CSNK1G1: variants seen among roughly 807,000 people sequenced by gnomAD.
The protein encoded by CSNK1G1 is casein kinase I isoform gamma-1.
Under a neutral mutation model 59.6 loss-of-function variants are expected in CSNK1G1, and 22 were observed. The ratio of observed to expected loss-of-function variants is 0.37; its 90% CI spans 0.26 to 0.53. The LOEUF (loss-of-function observed/expected upper bound fraction) is 0.53. Ranked by LOEUF, CSNK1G1 falls within the 20% of genes least tolerant of loss-of-function variation. The pLI is 0.89. For missense variants in CSNK1G1, 384 were observed against 519.5 expected (o/e 0.74, Z 2.54); for synonymous variants, 179 against 177.1 (o/e 1.01, Z -0.08).
At chr15:64,351,653 C>T (rs751436038) in intron 1 of CSNK1G1, among the ~76,000 whole-genome samples, 1 of 152,126 alleles carries the variant, frequency 6.6e-6, no homozygotes, top group Non-Finnish European at 1.5e-5. Context: ...CTGAGGCGGG[C>T]CAATCACTTG....
intron 1 of CSNK1G1, among the ~76,000 whole-genome samples, chr15:64,301,067 C>A (rs1240944031): frequency 1.3e-5 from 2 of 152,254 alleles, no homozygotes; most frequent in Non-Finnish European, 2.9e-5. Flanking sequence ...GTTAAAGAAA[C>A]TGAGGATGAT....
At chr15:64,302,874 T>A (rs1475039354) in intron 1 of CSNK1G1, among the ~76,000 whole-genome samples, 1 of 152,200 alleles carries the variant, frequency 6.6e-6, no homozygotes, top group Non-Finnish European at 1.5e-5. Context: ...TTACATTGCC[T>A]ATTTCTCTTC....
At chr15:64,175,384 G>A (rs969491975) in intron 11 of CSNK1G1, among the ~76,000 whole-genome samples, 2 of 152,072 alleles carry the variant, frequency 1.3e-5, no homozygotes, top group African/African-American at 2.4e-5. Flanking sequence ...GACTTTATGC[G>A]TGCGGACAAT....
At chr15:64,339,703 A>C (rs1897589598) in intron 1 of CSNK1G1, among the ~76,000 whole-genome samples, 1 of 152,256 alleles carries the variant, frequency 6.6e-6, no homozygotes, top group African/African-American at 2.4e-5. Flanking sequence ...TATGTAATTA[A>C]GATTAAAGCA....
At chr15:64,280,834 T>C (rs1364268892) in intron 2 of CSNK1G1, among the ~76,000 whole-genome samples, 2 of 152,178 alleles carry the variant, frequency 1.3e-5, no homozygotes, top group African/African-American at 4.8e-5. Context: ...AAACAAAATA[T>C]GATATATACA....
chr15:64,198,742 A>G (rs1411581636), intron 10 of CSNK1G1, among the ~76,000 whole-genome samples: 4 of 149,140 alleles, frequency 2.7e-5, no homozygotes, highest in African/African-American at 2.5e-5. Flanking sequence ...AAAAAAAAAA[A>G]GGGCATAAGA....
chr15:64,166,346 TTATC>T lies in CSNK1G1; in HGVS notation c.*5581_*5584del, dbSNP rs754169012. 54 of 226,838 alleles carry T rather than the reference TTATC, an allele frequency of 2.4e-4. No individual in the cohort carries two copies. The highest frequency in any genetic ancestry group is 6.9e-4 in the South Asian group (4 of 5,784). The allele number at this position is 226,838 out of a possible 1,614,324, so 14.1% of individuals were successfully genotyped here. A position where few individuals can be genotyped will look rare whatever the true frequency, so the allele number is the denominator to read the frequency against. ...GGGGGTATATATTTTTGGTTTATCT[TTATC>T]TTTTCTGCTGTTATTTTTTTTCTCT... On this transcript the variant is annotated 3_prime_UTR_variant, in exon 12 of 12. Coordinates refer to ENST00000303052, the MANE Select transcript of CSNK1G1 (RefSeq NM_022048.5). The surrounding 1 kb of genome is among the most constrained non-coding windows in gnomAD (Gnocchi z 4.5).
chr15:64,182,159 G>A (rs578219372), intron 10 of CSNK1G1, among the ~76,000 whole-genome samples: 1 of 146,718 alleles, frequency 6.8e-6, no homozygotes, highest in Admixed American at 6.9e-5. Flanking sequence ...TACCTCCCAG[G>A]TTCAAGCGGT....
Position 64,329,437 on chromosome 15 carries a change from C to T in CSNK1G1, c.-225+26551G>A, listed in dbSNP as rs1207380191. Among the ~76,000 whole-genome samples, 29 of 139,362 alleles carry T rather than the reference C, an allele frequency of 2.1e-4. 1 individual carries two copies. In the East Asian group the frequency reaches 4.5e-3, roughly 22 times the overall value. 91.4% of individuals were successfully genotyped at this position (139,362 alleles called of 152,430 possible). A position where few individuals can be genotyped will look rare whatever the true frequency, so the allele number is the denominator to read the frequency against. On this transcript the variant is annotated intron_variant, in intron 1 of 11. Coordinates refer to ENST00000303052, the MANE Select transcript of CSNK1G1 (RefSeq NM_022048.5). ...TCCTGAATGACTACTGGGTACATAACGAAATGAAGGCAGAAATAAAGATGT... is the reference window on the plus strand; with the variant it reads ...TCCTGAATGACTACTGGGTACATAATGAAATGAAGGCAGAAATAAAGATGT...
chr15:64,192,834 T>G (rs1480749860), intron 10 of CSNK1G1, among the ~76,000 whole-genome samples: 4 of 89,986 alleles, frequency 4.4e-5, no homozygotes, highest in East Asian at 7.1e-4. Flanking sequence ...CAGAGTGAGA[T>G]CTGCCTAAAA....
intron 2 of CSNK1G1, among the ~76,000 whole-genome samples, chr15:64,294,134 G>A (rs1432795719): frequency 6.6e-6 from 1 of 152,130 alleles, no homozygotes; most frequent in African/African-American, 2.4e-5. Flanking sequence ...GTGCAGTGGT[G>A]CAGTCTCAGC....
intron 10 of CSNK1G1, among the ~76,000 whole-genome samples, chr15:64,185,074 A>G (rs1489270717): frequency 6.6e-6 from 1 of 152,234 alleles, no homozygotes; most frequent in East Asian, 1.9e-4. Context: ...AAAATATATT[A>G]TCTTCTTGCA....
In CSNK1G1 at chr15:64,278,851, C is replaced by T. The variant is rs146536674; in HGVS notation, c.182-19610G>A. ...CACCCCACATCTAAAAATTTTTAATCTTTATGAAAGCATTTATGTAAAAAG... is the reference window on the plus strand; with the variant it reads ...CACCCCACATCTAAAAATTTTTAATTTTTATGAAAGCATTTATGTAAAAAG... On this transcript the variant is annotated intron_variant, in intron 2 of 11. Transcript: ENST00000303052. 4.9e-3 allele frequency among the ~76,000 whole-genome samples: 742 copies of T among 152,278 alleles called. 1 individual carries two copies. Among genetic ancestry groups the T allele is most frequent in the Middle Eastern group, 0.027 (8 of 294 alleles).
chr15:64,272,382 A>AT lies in CSNK1G1; in HGVS notation c.182-13142dup, dbSNP rs1223301898. Among the ~76,000 whole-genome samples, 34 of 151,838 alleles carry AT rather than the reference A, an allele frequency of 2.2e-4. 1 individual carries two copies. Among genetic ancestry groups the AT allele is most frequent in the Admixed American group, 2.2e-3 (34 of 15,230 alleles). ...AGGCGTCTGCCACTATGCCTGGCTA[A>AT]TTTTTTTGTATTTTTTAGTAGAGAC... On this transcript the variant is annotated intron_variant, in intron 2 of 11. Coordinates refer to ENST00000303052, the MANE Select transcript of CSNK1G1 (RefSeq NM_022048.5).
At chr15:64,248,351 C>A (rs1453572160) in intron 4 of CSNK1G1, among the ~76,000 whole-genome samples, 2 of 151,994 alleles carry the variant, frequency 1.3e-5, no homozygotes, top group Admixed American at 6.6e-5. Context: ...TTTTTTTAAC[C>A]ATCACAAGGA....
rs71447372 is a variant in CSNK1G1 at position 64,182,053 on chromosome 15, G to GTTTTTTTTT, written c.1108-1608_1108-1600dup. On this transcript the variant is annotated intron_variant, in intron 10 of 11. Transcript: ENST00000303052. ...TAATTATTGTTCTCATTAGTAACCC[G>GTTTTTTTTT]TTTTTTTTTTTTTTTTTTTTTTTTT... The GTTTTTTTTT allele has an allele frequency of 2.4e-3, 200 of 83,224 alleles. 33 individuals are homozygous for GTTTTTTTTT. The highest frequency in any genetic ancestry group is 0.011 in the African/African-American group (194 of 18,358). 5.2% of individuals were successfully genotyped at this position (83,224 alleles called of 1,614,324 possible).
At chr15:64,242,314 T>G (rs1451449097) in intron 4 of CSNK1G1, among the ~76,000 whole-genome samples, 1 of 152,210 alleles carries the variant, frequency 6.6e-6, no homozygotes, top group African/African-American at 2.4e-5. Flanking sequence ...GAGGTGGGGC[T>G]TGGTGGGAGG....
chr15:64,218,926 C>A (rs2082348763), intron 4 of CSNK1G1, among the ~76,000 whole-genome samples: 1 of 147,576 alleles, frequency 6.8e-6, no homozygotes, highest in Admixed American at 6.8e-5. Context: ...GCCATCTCGA[C>A]TCACTGCAAC....
In CSNK1G1 at chr15:64,171,957, T is replaced by G; in HGVS notation, c.1243A>C (p.Lys415Gln). Residue 415 changes from lysine to glutamine, a missense_variant, in exon 12 of 12, where the codon AAG (lysine) becomes CAG (glutamine). Lys to Gln is a moderately conservative substitution (Grantham distance 53). Coordinates refer to ENST00000303052, the MANE Select transcript of CSNK1G1 (RefSeq NM_022048.5). This position sits in a 1 kb window ranked among gnomAD's most constrained non-coding sequence, Gnocchi z 4.8. Reference sequence around the variant, plus strand: ...CACTTGTGGCGCTGAGCAGTCTTCTTCCTTTTCCTCTTAAAGAAACAGCAG... The same window carrying G: ...CACTTGTGGCGCTGAGCAGTCTTCTGCCTTTTCCTCTTAAAGAAACAGCAG... ...KCCCFFKRKR[K>Q]KTAQRHK The G allele has an allele frequency of 6.2e-7, 1 of 1,614,128 alleles. No homozygotes were observed. Among genetic ancestry groups the G allele is most frequent in the Non-Finnish European group, 8.5e-7 (1 of 1,180,022 alleles).
Sources: gnomAD v4.1 joint callset for allele counts (sites outside exome capture counted in the v4.1 genomes callset) on GRCh38, gnomAD v4.1.1 for gene constraint, Gnocchi (gnomAD v3.1) non-coding constraint, MANE v1.5 for transcripts, NCBI Gene and HGNC (gene_info 2026-07-23, HGNC 2026-07-21) for gene names.